Variants in TMCC2 observed in about 807,000 individuals in gnomAD.
TMCC2 encodes transmembrane and coiled-coil domain family 2.
A neutral mutation model predicts 49.4 loss-of-function variants in TMCC2; 16 were observed. The observed-to-expected ratio is 0.32, with a 90% confidence interval of 0.22 to 0.49. TMCC2 has a LOEUF of 0.49. Ranked by LOEUF, TMCC2 falls within the 20% of genes least tolerant of loss-of-function variation. The probability of loss-of-function intolerance (pLI) is 0.99; values close to 1 mark genes in which losing one functional copy is unlikely to be tolerated. For missense variants in TMCC2, 762 were observed against 989.8 expected (o/e 0.77, Z 3.09); for synonymous variants, 397 against 434.1 (o/e 0.91, Z 1.06).
At chr1:205,242,137 C>A in intron 2 of TMCC2, 93 bp downstream of exon 2, 1 of 1,380,598 alleles carries the variant, frequency 7.2e-7, no homozygotes, top group African/African-American at 1.5e-5. Flanking sequence ...CAGGGGCCCT[C>A]CCTGGCAGAT....
At chr1:205,239,952 T>C (rs557362726) in intron 1 of TMCC2, among the ~76,000 whole-genome samples, 1 of 152,090 alleles carries the variant, frequency 6.6e-6, no homozygotes, top group Non-Finnish European at 1.5e-5. Flanking sequence ...GATTTTCTGC[T>C]CTGTAAGTTT....
In TMCC2 at chr1:205,273,305, C is replaced by T. The variant is rs1661669849; in HGVS notation, c.*1181C>T. On this transcript the variant is annotated 3_prime_UTR_variant, in exon 5 of 5. Transcript: ENST00000358024. Reference sequence around the variant, plus strand: ...AGCAGTGCCTGCCAGCTGTTGTGCACCTTCCTGAGAAATAAATATCCTCTA... The same window carrying T: ...AGCAGTGCCTGCCAGCTGTTGTGCATCTTCCTGAGAAATAAATATCCTCTA... 6.6e-6 allele frequency: 1 copy of T among 152,220 alleles called. No homozygotes were observed. The highest frequency in any genetic ancestry group is 2.4e-5 in the African/African-American group (1 of 41,440). The allele number at this position is 152,220 out of a possible 1,614,324, so 9.4% of individuals were successfully genotyped here. A position where few individuals can be genotyped will look rare whatever the true frequency, so the allele number is the denominator to read the frequency against.
intron 2 of TMCC2, chr1:205,257,456 T>C: frequency 8.4e-7 from 1 of 1,188,634 alleles, no homozygotes; most frequent in Non-Finnish European, 1.1e-6. Flanking sequence ...GTTAGTCAGG[T>C]GGGCTGTGCT....
intron 1 of TMCC2, among the ~76,000 whole-genome samples, chr1:205,237,686 T>C (rs1338974793): frequency 6.6e-6 from 1 of 152,234 alleles, no homozygotes; most frequent in African/African-American, 2.4e-5. Context: ...ACTTCCCCTT[T>C]GGGGGACCCA....
chr1:205,266,134 G>A lies in TMCC2; in HGVS notation c.748-2816G>A, dbSNP rs1404415103. ...CAGGCGCCTGTAGTCCCAGCTACTC[G>A]GGAGGCCGAGGCAGGAGAATGGCGT... On this transcript the variant is annotated intron_variant, in intron 2 of 4. Transcript: ENST00000358024. Among the ~76,000 whole-genome samples, 11 of 150,938 alleles carry A rather than the reference G, an allele frequency of 7.3e-5. 1 individual carries two copies. Among genetic ancestry groups the A allele is most frequent in the Admixed American group, 3.3e-4 (5 of 15,174 alleles).
intron 2 of TMCC2, among the ~76,000 whole-genome samples, chr1:205,258,300 T>C (rs934531496): frequency 6.6e-6 from 1 of 152,124 alleles, no homozygotes; most frequent in Non-Finnish European, 1.5e-5. Flanking sequence ...ACTGAGGGCA[T>C]GCTCTGCCCT....
rs555907182 is a variant in TMCC2, at chr1:205,233,060, T to G, written c.207+4289T>G. Among the ~76,000 whole-genome samples, 200 of 129,598 alleles carry G rather than the reference T, an allele frequency of 1.5e-3. 1 individual carries two copies. The highest frequency in any genetic ancestry group is 2.2e-3 in the Non-Finnish European group (139 of 64,400). The allele number at this position is 129,598 out of a possible 152,430, so 85.0% of individuals were successfully genotyped here. A position where few individuals can be genotyped will look rare whatever the true frequency, so the allele number is the denominator to read the frequency against. Reference sequence around the variant, plus strand: ...GAGGCCCAGGATGAGTGGCCAAGCATAAGAGTGAGCTGGTTCTATCCTGAT... The same window carrying G: ...GAGGCCCAGGATGAGTGGCCAAGCAGAAGAGTGAGCTGGTTCTATCCTGAT... On this transcript the variant is annotated intron_variant, in intron 1 of 4. Coordinates refer to ENST00000358024, the MANE Select transcript of TMCC2 (RefSeq NM_014858.4).
Position 205,269,343 on chromosome 1 carries a change from CAGCAGGGGCTGA to C in TMCC2, c.1144_1155del (p.Gln382_Lys385del), listed in dbSNP as rs1661482127. 6.2e-7 allele frequency: 1 copy of C among 1,612,910 alleles called. No homozygotes were observed. The highest frequency in any genetic ancestry group is 8.5e-7 in the Non-Finnish European group (1 of 1,179,758). ...GCCCAAGGACGTGCTGCGGGACATG[CAGCAGGGGCTGA>C]AGGACGTGGGCGCCAACGTGCGCGC... On this transcript the variant is annotated inframe_deletion, in exon 3 of 5. Coordinates refer to ENST00000358024, the MANE Select transcript of TMCC2 (RefSeq NM_014858.4).
chr1:205,268,070 G>A, intron 2 of TMCC2: 1 of 985,442 alleles, frequency 1.0e-6, no homozygotes, highest in Non-Finnish European at 1.2e-6. Context: ...GTAATGGAGG[G>A]CCTGGGAGAG....
intron 2 of TMCC2, among the ~76,000 whole-genome samples, chr1:205,242,794 G>A (rs1660323421): frequency 6.6e-6 from 1 of 152,158 alleles, no homozygotes; most frequent in South Asian, 2.1e-4. Context: ...CGAGGAGCTG[G>A]CAAAGACCTG....
At chr1:205,268,090 G>C in intron 2 of TMCC2, 1 of 985,312 alleles carries the variant, frequency 1.0e-6, no homozygotes, top group Non-Finnish European at 1.2e-6. Context: ...GGTGTCAGCA[G>C]AGGCAGGGTG....
At chr1:205,233,609 C>T (rs1659899264) in intron 1 of TMCC2, among the ~76,000 whole-genome samples, 1 of 152,130 alleles carries the variant, frequency 6.6e-6, no homozygotes, top group Non-Finnish European at 1.5e-5. Flanking sequence ...TTCATGCAGT[C>T]AGCAGATACC....
intron 1 of TMCC2, chr1:205,229,605 G>A: frequency 1.0e-6 from 1 of 983,232 alleles, no homozygotes; most frequent in South Asian, 4.7e-5. Context: ...CCGTTAGGTG[G>A]AGCCAGAGGT....
chr1:205,269,887 A>G lies in TMCC2; in HGVS notation c.1682+3A>G, dbSNP rs756183858. 1.2e-6 allele frequency: 2 copies of G among 1,608,920 alleles called. No homozygotes were observed. The highest frequency in any genetic ancestry group is 1.7e-6 in the Non-Finnish European group (2 of 1,176,836). On this transcript the variant is annotated splice_donor_region_variant and intron_variant, in intron 3 of 4. Transcript: ENST00000358024. ...TGCCTGCAGGAGGAGCGCTACAGGTAGGTGCCTGCCCACCCCCTCCTGCAG... is the reference window on the plus strand; with the variant it reads ...TGCCTGCAGGAGGAGCGCTACAGGTGGGTGCCTGCCCACCCCCTCCTGCAG...
chr1:205,229,465 C>A (rs1393932940), intron 1 of TMCC2, among the ~76,000 whole-genome samples: 1 of 143,316 alleles, frequency 7.0e-6, no homozygotes, highest in Non-Finnish European at 1.5e-5. Flanking sequence ...GGATTACAGG[C>A]GTGAGCCACC....
chr1:205,267,850 A>G, intron 2 of TMCC2: 3 of 984,756 alleles, frequency 3.0e-6, no homozygotes, highest in Non-Finnish European at 2.4e-6. Context: ...ACCCTCTGCA[A>G]AGCTGGGCGG....
Position 205,269,547 on chromosome 1 carries a change from C to G in TMCC2, c.1345C>G (p.Leu449Val), listed in dbSNP as rs750095503. The change falls in exon 3 of 5, where the codon CTG (leucine) becomes GTG (valine). Residue 449 changes from leucine (L) to valine (V), a missense_variant. Leu to Val is a conservative substitution (Grantham distance 32). Transcript: ENST00000358024. ...ADNIAHLKDP[L>V]EDGPPEEAAR... ...CAACATCGCCCACCTGAAGGACCCC[C>G]TGGAAGATGGGCCCCCTGAGGAGGC... is the stretch of plus-strand genomic sequence containing the variant. 1.2e-6 allele frequency: 2 copies of G among 1,613,790 alleles called. No individual in the cohort carries two copies. The highest frequency in any genetic ancestry group is 1.7e-6 in the Non-Finnish European group (2 of 1,179,898).
At position 205,242,130 on chromosome 1, in the gene TMCC2, G is replaced by C. The variant is rs1488535660; in HGVS notation, c.747+86G>C. The C allele has an allele frequency of 2.8e-6, 4 of 1,428,304 alleles. No individual in the cohort carries two copies. In the African/African-American group the frequency reaches 5.7e-5, roughly 21 times the overall value. The allele number at this position is 1,428,304 out of a possible 1,614,324, so 88.5% of individuals were successfully genotyped here. On this transcript the variant is annotated intron_variant, in intron 2 of 4. Coordinates refer to ENST00000358024, the MANE Select transcript of TMCC2 (RefSeq NM_014858.4). ...CTTGAGACCTGGGGAGCTGAGCCAG[G>C]GGCCCTCCCTGGCAGATACTGACAC...
At chr1:205,233,136 C>G (rs12741960) in intron 1 of TMCC2, among the ~76,000 whole-genome samples, 1 of 152,104 alleles carries the variant, frequency 6.6e-6, no homozygotes, top group Non-Finnish European at 1.5e-5. Context: ...CTCCCCACCT[C>G]TCTCACAGTG....
Sources: allele counts gnomAD v4.1 joint callset (sites outside exome capture counted in the v4.1 genomes callset), GRCh38; gene constraint gnomAD v4.1.1; transcripts MANE v1.5; gene names NCBI Gene and HGNC (gene_info 2026-07-23, HGNC 2026-07-21).